GRID2: variants seen among roughly 807,000 people sequenced by gnomAD.
The protein encoded by GRID2 is glutamate ionotropic receptor delta type subunit 2, also known as glutamate receptor ionotropic, delta-2.
A neutral mutation model predicts 114.8 loss-of-function variants in GRID2; 33 were observed. The ratio of observed to expected loss-of-function variants is 0.29; its 90% CI spans 0.22 to 0.38. The LOEUF is 0.38. Among genes scored for constraint, GRID2 ranks in the 10% least tolerant of loss-of-function variants. GRID2 has a pLI of 1.00. For missense variants in GRID2, 1,184 were observed against 1,257.7 expected, an observed-to-expected ratio of 0.94 and a Z score of 0.89; for synonymous variants, 505 against 449.9, an observed-to-expected ratio of 1.12 and a Z score of -1.55.
intron 13 of GRID2, among the ~76,000 whole-genome samples, chr4:93,595,733 C>A (rs542040170): frequency 3.9e-5 from 6 of 151,986 alleles, no homozygotes; most frequent in African/African-American, 1.5e-4. Context: ...ATAATATTAC[C>A]GTGAAAATAT....
At chr4:92,590,031 GTA>G (rs1728633006) in intron 1 of GRID2, 98 bp from the exon 2 acceptor site, 1 of 759,212 alleles carries the variant, frequency 1.3e-6, no homozygotes, top group Non-Finnish European at 2.2e-6. Flanking sequence ...CTAAGTGAAA[GTA>G]TATGTTTTTT....
At chr4:93,352,305 A>G (rs577365115) in intron 8 of GRID2, among the ~76,000 whole-genome samples, 109 of 152,140 alleles carry the variant, frequency 7.2e-4, no homozygotes, top group Non-Finnish European at 1.5e-3. Flanking sequence ...ACTCTAAAAT[A>G]GTATTATCTA....
chr4:92,398,853 G>A (rs749957627), intron 1 of GRID2, among the ~76,000 whole-genome samples: 34 of 152,248 alleles, frequency 2.2e-4, no homozygotes, highest in South Asian at 1.7e-3. Context: ...TAATTTAATA[G>A]GCATGTTATG....
intron 2 of GRID2, chr4:92,702,682 G>A (rs1734741137): frequency 6.6e-6 from 1 of 151,108 alleles, no homozygotes. Flanking sequence ...ATATAGTTTA[G>A]CATTATTATA....
chr4:92,598,439 T>A (rs1579653992), intron 2 of GRID2, among the ~76,000 whole-genome samples: 1 of 152,132 alleles, frequency 6.6e-6, no homozygotes, highest in South Asian at 2.1e-4. Flanking sequence ...CCCCTTTTAA[T>A]CCTTGACTCT....
intron 8 of GRID2, among the ~76,000 whole-genome samples, chr4:93,314,997 G>A (rs1756434027): frequency 1.3e-5 from 2 of 152,076 alleles, no homozygotes; most frequent in African/African-American, 2.4e-5. Flanking sequence ...AATTTATAAA[G>A]AAAAGAGGTT....
chr4:93,077,878 T>C (rs1729477656), intron 2 of GRID2, among the ~76,000 whole-genome samples: 1 of 152,220 alleles, frequency 6.6e-6, no homozygotes, highest in Non-Finnish European at 1.5e-5. Flanking sequence ...GACAATTTCA[T>C]TGTATATAAT....
At chr4:92,597,099 T>C (rs1024948479) in intron 2 of GRID2, among the ~76,000 whole-genome samples, 1 of 151,826 alleles carries the variant, frequency 6.6e-6, no homozygotes, top group Non-Finnish European at 1.5e-5. Flanking sequence ...TATTTATTTT[T>C]ATTTTTATTT....
At chr4:93,125,963 A>G (rs1231363929) in intron 4 of GRID2, among the ~76,000 whole-genome samples, 1 of 152,190 alleles carries the variant, frequency 6.6e-6, no homozygotes, top group Non-Finnish European at 1.5e-5. Flanking sequence ...AGAGTTTTAA[A>G]AATATTTTGA....
chr4:93,607,228 G>A (rs894621854), intron 13 of GRID2, among the ~76,000 whole-genome samples: 2 of 151,780 alleles, frequency 1.3e-5, no homozygotes, highest in East Asian at 1.9e-4. Flanking sequence ...TTTTAATAAC[G>A]TACTAACATG....
intron 2 of GRID2, among the ~76,000 whole-genome samples, chr4:92,995,621 G>A (rs1755152555): frequency 6.6e-6 from 1 of 152,052 alleles, no homozygotes; most frequent in Non-Finnish European, 1.5e-5. Flanking sequence ...TAATAACATT[G>A]TAATAGTAAA....
intron 2 of GRID2, among the ~76,000 whole-genome samples, chr4:93,002,029 G>C (rs1255756692): frequency 6.7e-6 from 1 of 149,800 alleles, no homozygotes; most frequent in Non-Finnish European, 1.5e-5. Context: ...CTGTAAGCTA[G>C]TTTCTAAGAA....
chr4:93,121,418 G>A (rs1305980436), intron 4 of GRID2, among the ~76,000 whole-genome samples: 4 of 152,136 alleles, frequency 2.6e-5, no homozygotes, highest in South Asian at 2.1e-4. Context: ...AGAATCATAC[G>A]GTGTGTACTG....
intron 1 of GRID2, among the ~76,000 whole-genome samples, chr4:92,469,610 G>T (rs1326108928): frequency 6.6e-6 from 1 of 151,748 alleles, no homozygotes; most frequent in South Asian, 2.1e-4. Flanking sequence ...CCATGGATGT[G>T]GAATCCAAGA....
At chr4:93,157,322 C>A (rs1737279589) in intron 4 of GRID2, among the ~76,000 whole-genome samples, 1 of 151,690 alleles carries the variant, frequency 6.6e-6, no homozygotes, top group African/African-American at 2.4e-5. Flanking sequence ...CTTTTCCTTT[C>A]TTCCACGATC....
At chr4:92,520,622 A>C (rs970919368) in intron 1 of GRID2, among the ~76,000 whole-genome samples, 1 of 151,926 alleles carries the variant, frequency 6.6e-6, no homozygotes, top group African/African-American at 2.4e-5. Context: ...GGCGCCCTAA[A>C]GATCTCCTAC....
At chr4:92,491,132 TA>T (rs1339545562) in intron 1 of GRID2, among the ~76,000 whole-genome samples, 3 of 152,148 alleles carry the variant, frequency 2.0e-5, no homozygotes, top group Non-Finnish European at 4.4e-5. Context: ...TTCCCTAACA[TA>T]TTAGCCCGAT....
chr4:93,349,613 A>G (rs1421703691), intron 8 of GRID2, among the ~76,000 whole-genome samples: 1 of 152,052 alleles, frequency 6.6e-6, no homozygotes, highest in African/African-American at 2.4e-5. Context: ...TAGTCTCCTA[A>G]TTGTATTCCT....
At chr4:93,402,559 G>A (rs1457402280) in intron 9 of GRID2, among the ~76,000 whole-genome samples, 1 of 151,800 alleles carries the variant, frequency 6.6e-6, no homozygotes, top group Non-Finnish European at 1.5e-5. Context: ...GACTCTAAGG[G>A]AGACAAACAA....
Sources: gnomAD v4.1 joint callset for allele counts (sites outside exome capture counted in the v4.1 genomes callset) on GRCh38, gnomAD v4.1.1 for gene constraint, MANE v1.5 for transcripts, NCBI Gene and HGNC (gene_info 2026-07-23, HGNC 2026-07-21) for gene names.